Variants in MARF1 observed in about 807,000 individuals in gnomAD.
MARF1 encodes the protein limkain-b1.
Under a neutral mutation model 168.2 loss-of-function variants are expected in MARF1, and 24 were observed. The observed-to-expected ratio is 0.14, with a 90% CI of 0.10 to 0.20. The LOEUF (loss-of-function observed/expected upper bound fraction) is 0.20, where lower values mean the gene tolerates loss of function less well. Ranked by LOEUF, MARF1 falls within the 10% of genes least tolerant of loss-of-function variation. MARF1 has a pLI of 1.00. For synonymous variants in MARF1, 868 were observed against 822.4 expected (o/e 1.06, Z -0.95); for missense variants, 1,744 against 2,143.6 (o/e 0.81, Z 3.68).
Position 15,623,031 on chromosome 16 carries a change from G to C in MARF1, c.2363C>G (p.Ala788Gly). ...SSEADCPDPFANGADVQVSNI... is the reference protein window; with the variant it reads ...SSEADCPDPFGNGADVQVSNI... ...GCTGACTTGGACATCAGCACCATTTGCAAATGGGTCTGGGCAGTCGGCTTC... is the reference window on the plus strand; with the variant it reads ...GCTGACTTGGACATCAGCACCATTTCCAAATGGGTCTGGGCAGTCGGCTTC... The change falls in exon 11 of 27, where the codon GCA (alanine) becomes GGA (glycine). Residue 788 changes from alanine (A) to glycine (G), a missense_variant. By Grantham distance (60) the Ala-to-Gly change is moderately conservative (BLOSUM62 0). Around this residue, in one of 7 missense-constraint regions of MARF1, gnomAD observed 270 missense variants for 260.6 expected, o/e 1.04. Coordinates refer to ENST00000396368, the MANE Select transcript of MARF1 (RefSeq NM_014647.4). 6.2e-7 allele frequency: 1 copy of C among 1,611,648 alleles called. No homozygotes were observed.
At chr16:15,607,097 GCCATT>G (rs1221686778) in intron 21 of MARF1, among the ~76,000 whole-genome samples, 1 of 151,874 alleles carries the variant, frequency 6.6e-6, no homozygotes, top group African/African-American at 2.4e-5. Context: ...GATGCTGCTG[GCCATT>G]CCTCTGCCTT....
intron 7 of MARF1, among the ~76,000 whole-genome samples, chr16:15,629,150 T>C (rs551780252): frequency 1.3e-5 from 2 of 151,640 alleles, no homozygotes. Context: ...CGTATTTACA[T>C]AAGGCCTTCA....
intron 7 of MARF1, among the ~76,000 whole-genome samples, chr16:15,626,943 GAC>G (rs1225589577): frequency 2.3e-5 from 3 of 129,710 alleles, no homozygotes; most frequent in Non-Finnish European, 4.6e-5. Flanking sequence ...CAGCCTGGGC[GAC>G]AGAGCGAGAT....
rs989196147 is a variant in MARF1, at chr16:15,596,605, C to T, written c.*88G>A. On this transcript the variant is annotated 3_prime_UTR_variant, in exon 27 of 27. Coordinates refer to ENST00000396368, the MANE Select transcript of MARF1 (RefSeq NM_014647.4). The stretch of plus-strand genomic sequence containing the variant: ...CAATGGCTTCGGGGGGTTTTCATGA[C>T]ACAGAAAAGGATGTATTTTTGAAAC... 15 of 1,375,386 alleles carry T rather than the reference C, an allele frequency of 1.1e-5. No homozygotes were observed. Among genetic ancestry groups the T allele is most frequent in the Non-Finnish European group, 1.5e-5 (15 of 1,031,026 alleles). 85.2% of individuals were successfully genotyped at this position (1,375,386 alleles called of 1,614,324 possible).
rs1324683765 is a variant in MARF1 at position 15,594,976 on chromosome 16, G to A, written c.*1717C>T. On this transcript the variant is annotated 3_prime_UTR_variant, in exon 27 of 27. Coordinates refer to ENST00000396368, the MANE Select transcript of MARF1 (RefSeq NM_014647.4). The stretch of plus-strand genomic sequence containing the variant: ...CCACTCTTTACATGCTAGCAGAACT[G>A]AAGTCCAAGCGTGCAAACTCAGCCT... 1 of 152,596 alleles carries A rather than the reference G, an allele frequency of 6.6e-6. No individual in the cohort carries two copies. Among genetic ancestry groups the A allele is most frequent in the African/African-American group, 2.4e-5 (1 of 41,432 alleles). 9.5% of individuals were successfully genotyped at this position (152,596 alleles called of 1,614,324 possible). A position where few individuals can be genotyped will look rare whatever the true frequency, so the allele number is the denominator to read the frequency against.
At chr16:15,598,166 C>T (rs2031953653) in intron 26 of MARF1, among the ~76,000 whole-genome samples, 1 of 152,188 alleles carries the variant, frequency 6.6e-6, no homozygotes, top group South Asian at 2.1e-4. Context: ...GGCTTGGGTT[C>T]CAATGCCGGC....
intron 17 of MARF1, 58 bp from the exon 18 acceptor site, chr16:15,611,792 G>T: frequency 2.0e-6 from 3 of 1,470,346 alleles, no homozygotes; most frequent in African/African-American, 1.4e-5. Flanking sequence ...CGACTTCCTT[G>T]CTGCTGGCTC....
chr16:15,635,697 A>T lies in MARF1; in HGVS notation c.790T>A (p.Cys264Ser), dbSNP rs2035545185. Residue 264 changes from cysteine to serine, a missense_variant, in exon 3 of 27, where the codon TGT becomes AGT. This residue lies in a region of MARF1 where 318 missense variants were observed against 336.6 expected (regional missense o/e 0.94). Coordinates refer to ENST00000396368, the MANE Select transcript of MARF1 (RefSeq NM_014647.4). ...TCGCAGTAAAGTGAGCCCTTTAAAC[A>T]AACCGGAGGTACCACATTAAGGTGC... is the stretch of plus-strand genomic sequence containing the variant. ...SLHLNVVPPV[C>S]LKGSLYCEDC... The T allele has an allele frequency of 6.2e-7, 1 of 1,614,010 alleles. No homozygotes were observed. Among genetic ancestry groups the T allele is most frequent in the South Asian group, 1.1e-5 (1 of 91,092 alleles).
chr16:15,602,436 G>T, intron 22 of MARF1: 1 of 606,746 alleles, frequency 1.6e-6, no homozygotes. Flanking sequence ...CAAAGACGAC[G>T]AGACAAAAAC....
chr16:15,616,295 C>T (rs757187473), intron 15 of MARF1, among the ~76,000 whole-genome samples: 5 of 152,144 alleles, frequency 3.3e-5, no homozygotes, highest in African/African-American at 9.7e-5. Flanking sequence ...TCAGCAGGGA[C>T]GTGCAGGCCA....
At position 15,611,287 on chromosome 16, in the gene MARF1, T is replaced by C. The variant is rs568500215; in HGVS notation, c.3618-179A>G. Among the ~76,000 whole-genome samples the C allele has an allele frequency of 4.5e-4, 69 of 151,928 alleles. 1 individual carries two copies. The South Asian group carries it at 0.01, about 22-fold the overall frequency. On this transcript the variant is annotated intron_variant, in intron 18 of 26. Transcript: ENST00000396368. ...TCCTGGCTAACATGGTGAAACCCCG[T>C]CTCTACTAAAAAATAGAAAAAATAA...
chr16:15,624,301 C>T (rs1408230401), intron 10 of MARF1, among the ~76,000 whole-genome samples: 2 of 152,214 alleles, frequency 1.3e-5, no homozygotes, highest in African/African-American at 4.8e-5. Context: ...GGGAATGCAA[C>T]ACGGCCTTAC....
intron 17 of MARF1, 120 bp from the exon 18 acceptor site, chr16:15,611,854 C>G (rs2033588584): frequency 2.8e-6 from 2 of 712,448 alleles, no homozygotes; most frequent in South Asian, 4.8e-5. Flanking sequence ...AGAATGTGTG[C>G]AATTTGAAAC....
chr16:15,601,997 A>T lies in MARF1; in HGVS notation c.4620T>A (p.Ile1540=). The part of the protein sequence containing the change: ...HSSVEELLGA[I]PQVVWIKGHG... ...AGCTGAGAAAAATGCCCACCTGTGG[A>T]ATTGCTCCCAAGAGCTCCTCCACGC... The change falls in exon 23 of 27, where the codon ATT becomes ATA. Residue 1540 remains isoleucine (I), a synonymous_variant. Transcript: ENST00000396368. The T allele has an allele frequency of 3.1e-6, 5 of 1,613,968 alleles. No individual in the cohort carries two copies. Among genetic ancestry groups the T allele is most frequent in the Non-Finnish European group, 4.2e-6 (5 of 1,179,812 alleles).
chr16:15,598,840 A>G lies in MARF1; in HGVS notation c.4984+14T>C. On this transcript the variant is annotated intron_variant, in intron 26 of 26. Transcript: ENST00000396368. The stretch of plus-strand genomic sequence containing the variant: ...CCCCGAAGAAAATCCCCATGACAAC[A>G]TGGAGTCACCCACCAGAAGGCTCTT... 2 of 1,613,404 alleles carry G rather than the reference A, an allele frequency of 1.2e-6. No individual in the cohort carries two copies. The highest frequency in any genetic ancestry group is 1.7e-5 in the Admixed American group (1 of 60,010).
In MARF1 at chr16:15,595,244, T is replaced by C. The variant is rs1221218396; in HGVS notation, c.*1449A>G. On this transcript the variant is annotated 3_prime_UTR_variant, in exon 27 of 27. Transcript: ENST00000396368. ...GGAGTCACTGGCTTCATTTAAAAGATTTGGGGAACAAAAAATCTGACTTGT... is the reference window on the plus strand; with the variant it reads ...GGAGTCACTGGCTTCATTTAAAAGACTTGGGGAACAAAAAATCTGACTTGT... The C allele has an allele frequency of 6.6e-6, 1 of 152,548 alleles. No homozygotes were observed. Among genetic ancestry groups the C allele is most frequent in the Non-Finnish European group, 1.5e-5 (1 of 68,018 alleles). 9.4% of individuals were successfully genotyped at this position (152,548 alleles called of 1,614,324 possible). A position where few individuals can be genotyped will look rare whatever the true frequency, so the allele number is the denominator to read the frequency against.
intron 5 of MARF1, 84 bp from the exon 6 acceptor site, chr16:15,631,582 T>A (rs1406993352): frequency 5.7e-6 from 5 of 873,210 alleles, no homozygotes; most frequent in Admixed American, 2.4e-5. Context: ...TTTTATTTTT[T>A]AAATTTTATT....
rs2032053834 is a variant in MARF1, at chr16:15,598,838, A to T, written c.4984+16T>A. 1 of 1,613,086 alleles carries T rather than the reference A, an allele frequency of 6.2e-7. No homozygotes were observed. The highest frequency in any genetic ancestry group is 8.5e-7 in the Non-Finnish European group (1 of 1,179,166). ...AACCCCGAAGAAAATCCCCATGACA[A>T]CATGGAGTCACCCACCAGAAGGCTC... On this transcript the variant is annotated intron_variant, in intron 26 of 26. Coordinates refer to ENST00000396368, the MANE Select transcript of MARF1 (RefSeq NM_014647.4).
At chr16:15,635,462 TA>T in intron 3 of MARF1, 193 bp downstream of exon 3, 1 of 574,340 alleles carries the variant, frequency 1.7e-6, no homozygotes, top group Non-Finnish European at 3.0e-6. Context: ...AATGACTCTC[TA>T]CTTTTTTGAA....
Sources: gnomAD v4.1 joint callset for allele counts (sites outside exome capture counted in the v4.1 genomes callset) on GRCh38, gnomAD v4.1.1 for gene constraint, gnomAD v4.1.1 regional missense constraint, MANE v1.5 for transcripts, NCBI Gene and HGNC (gene_info 2026-07-23, HGNC 2026-07-21) for gene names.